The following ENPP6 variants were observed in gnomAD, a reference collection of about 807,000 sequenced individuals.
ENPP6 encodes the protein glycerophosphocholine cholinephosphodiesterase ENPP6.
ENPP6 carries 32 observed loss-of-function variants against 42.0 expected under a neutral mutation model. That is an observed-to-expected ratio of 0.76 (90% CI 0.58 to 1.02). The LOEUF (loss-of-function observed/expected upper bound fraction) is 1.02. ENPP6 is among the 50% of genes least tolerant of loss of function. The pLI is 0.00. For synonymous variants in ENPP6, 213 were observed against 216.0 expected (o/e 0.99, Z 0.12); for missense variants, 552 against 566.8 (o/e 0.97, Z 0.27).
chr4:184,134,185 G>T (rs1736690982), intron 2 of ENPP6, among the ~76,000 whole-genome samples: 1 of 151,256 alleles, frequency 6.6e-6, no homozygotes, highest in South Asian at 2.1e-4. Flanking sequence ...CACTATGTTG[G>T]CCAGGCCAGT....
At chr4:184,182,032 C>G (rs184470722) in intron 1 of ENPP6, among the ~76,000 whole-genome samples, 104 of 152,136 alleles carry the variant, frequency 6.8e-4, no homozygotes, top group Non-Finnish European at 1.2e-3. Flanking sequence ...AACTAAAGAG[C>G]TTTTGCACAG....
chr4:184,163,944 C>T (rs1737307257), intron 1 of ENPP6, among the ~76,000 whole-genome samples: 1 of 152,206 alleles, frequency 6.6e-6, no homozygotes, highest in Non-Finnish European at 1.5e-5. Flanking sequence ...GGTTTTTGCC[C>T]AGAGGCAGCA....
At chr4:184,131,484 G>T (rs568594553) in intron 2 of ENPP6, among the ~76,000 whole-genome samples, 107 of 150,012 alleles carry the variant, frequency 7.1e-4, no homozygotes, top group Non-Finnish European at 1.3e-3. Flanking sequence ...TCCCCGAGTA[G>T]CTGGGACTAC....
intron 1 of ENPP6, among the ~76,000 whole-genome samples, chr4:184,155,923 CT>C (rs1182483558): frequency 5.3e-5 from 8 of 152,176 alleles, no homozygotes; most frequent in Admixed American, 3.3e-4. Context: ...GTTCTCTGCT[CT>C]CTGAGTAGAA....
At chr4:184,126,804 C>T (rs894910100) in intron 2 of ENPP6, among the ~76,000 whole-genome samples, 2 of 152,176 alleles carry the variant, frequency 1.3e-5, no homozygotes, top group Non-Finnish European at 2.9e-5. Flanking sequence ...TTCAGGAAAG[C>T]GCAGACCCAG....
intron 1 of ENPP6, among the ~76,000 whole-genome samples, chr4:184,188,446 C>T (rs73009730): frequency 3.3e-5 from 5 of 152,134 alleles, no homozygotes; most frequent in South Asian, 2.1e-4. Flanking sequence ...CCCAAATTGA[C>T]GATCTGGGGT....
intron 1 of ENPP6, among the ~76,000 whole-genome samples, chr4:184,183,131 A>G (rs770998632): frequency 6.6e-6 from 1 of 152,248 alleles, no homozygotes; most frequent in South Asian, 2.1e-4. Context: ...CTATGGAAAC[A>G]TAGCACAATG....
rs1258753037 is a variant in ENPP6 at position 184,126,329 on chromosome 4, C to CT, written c.422-2058dup. ...GCCTCAGGTTAAAGTAGAAAACAAA[C>CT]TTTTTTTTATTGATTAATTACATGT... On this transcript the variant is annotated intron_variant, in intron 2 of 7. Coordinates refer to ENST00000296741, the MANE Select transcript of ENPP6 (RefSeq NM_153343.4). Among the ~76,000 whole-genome samples the CT allele has an allele frequency of 4.6e-5, 7 of 152,210 alleles. No individual in the cohort carries two copies. In the East Asian group the frequency reaches 7.7e-4, roughly 17 times the overall value.
chr4:184,115,189 G>A (rs1316770859), intron 5 of ENPP6, among the ~76,000 whole-genome samples: 1 of 152,202 alleles, frequency 6.6e-6, no homozygotes, highest in South Asian at 2.1e-4. Context: ...AGTGAGGATG[G>A]AGAGAGAAAG....
intron 2 of ENPP6, among the ~76,000 whole-genome samples, chr4:184,148,395 C>T (rs1736962518): frequency 6.6e-6 from 1 of 152,196 alleles, no homozygotes; most frequent in South Asian, 2.1e-4. Flanking sequence ...AGATACCATC[C>T]TGCAAAGGGA....
At chr4:184,205,027 T>A (rs1380060335) in intron 1 of ENPP6, among the ~76,000 whole-genome samples, 1 of 152,052 alleles carries the variant, frequency 6.6e-6, no homozygotes, top group African/African-American at 2.4e-5. Flanking sequence ...TCCTCCTGGG[T>A]TCAAGCGATT....
intron 2 of ENPP6, among the ~76,000 whole-genome samples, chr4:184,145,737 C>T (rs60881510): frequency 0.085 from 12,886 of 152,240 alleles, 1,469 homozygotes; most frequent in African/African-American, 0.26. Flanking sequence ...CTCCTGCCTC[C>T]CCAGCCCCTG....
intron 5 of ENPP6, among the ~76,000 whole-genome samples, chr4:184,113,952 T>C (rs1385363401): frequency 6.7e-6 from 1 of 149,702 alleles, no homozygotes; most frequent in East Asian, 2.0e-4. Context: ...TCTTTCTTTC[T>C]TTCTTTCTTT....
chr4:184,162,575 G>GC (rs1560997440), intron 1 of ENPP6, among the ~76,000 whole-genome samples: 1 of 91,964 alleles, frequency 1.1e-5, no homozygotes, highest in Non-Finnish European at 2.8e-5. Flanking sequence ...AAGGAAGGAA[G>GC]AAAGGAAGGA....
At chr4:184,147,059 GT>G (rs1431916609) in intron 2 of ENPP6, among the ~76,000 whole-genome samples, 1 of 152,052 alleles carries the variant, frequency 6.6e-6, no homozygotes, top group Non-Finnish European at 1.5e-5. Context: ...CCGGCTCGAC[GT>G]CCCAGAGCCA....
chr4:184,216,231 AG>A (rs1343031665), intron 1 of ENPP6, among the ~76,000 whole-genome samples: 1 of 152,238 alleles, frequency 6.6e-6, no homozygotes, highest in African/African-American at 2.4e-5. Context: ...CTTCCCTGCA[AG>A]GGGAGACACA....
At chr4:184,168,289 G>C in intron 1 of ENPP6, among the ~76,000 whole-genome samples, 1 of 151,970 alleles carries the variant, frequency 6.6e-6, no homozygotes, top group South Asian at 2.1e-4. Flanking sequence ...TGTCTGGCGC[G>C]GAAAAGGCCA....
At chr4:184,109,008 C>A (rs1736153320) in intron 6 of ENPP6, among the ~76,000 whole-genome samples, 1 of 152,224 alleles carries the variant, frequency 6.6e-6, no homozygotes, top group Non-Finnish European at 1.5e-5. Context: ...GTCAGGAGTT[C>A]AAGACCATCC....
At chr4:184,097,426 C>T (rs1735931351) in intron 6 of ENPP6, 58 bp from the exon 7 acceptor site, 3 of 1,598,678 alleles carry the variant, frequency 1.9e-6, no homozygotes, top group Non-Finnish European at 2.6e-6. Context: ...GCTGAGCGGG[C>T]ATCTGCTCCA....
Sources: allele counts gnomAD v4.1 joint callset (sites outside exome capture counted in the v4.1 genomes callset), GRCh38; gene constraint gnomAD v4.1.1; transcripts MANE v1.5; gene names NCBI Gene and HGNC (gene_info 2026-07-23, HGNC 2026-07-21).